The following MEX3D variants were observed in gnomAD, a reference collection of about 807,000 sequenced individuals.
The protein encoded by MEX3D is RNA-binding protein MEX3D.
MEX3D carries 4 observed loss-of-function variants against 6.3 expected under a neutral mutation model. The observed-to-expected ratio is 0.64, with a 90% CI of 0.31 to 1.46. The LOEUF is 1.46. MEX3D is among the 40% of genes most tolerant of loss of function. The probability of loss-of-function intolerance (pLI) is 0.07; values close to 1 mark genes in which losing one functional copy is unlikely to be tolerated. For synonymous variants in MEX3D, 626 were observed against 494.1 expected (o/e 1.27, Z -3.54); for missense variants, 1,038 against 994.4 (o/e 1.04, Z -0.59).
chr19:1,555,557 C>T lies in MEX3D; in HGVS notation c.*6G>A, dbSNP rs772656248. The T allele has an allele frequency of 2.7e-5, 42 of 1,565,916 alleles. No individual in the cohort carries two copies. The highest frequency in any genetic ancestry group is 1.8e-4 in the South Asian group (15 of 85,160). On this transcript the variant is annotated 3_prime_UTR_variant, in exon 2 of 2. Transcript: ENST00000402693. ...AGATGGCCCCGGCCACGTGGTGGTCCGCGCTCTAGGAAAAGATATGAATGG... is the reference window on the plus strand; with the variant it reads ...AGATGGCCCCGGCCACGTGGTGGTCTGCGCTCTAGGAAAAGATATGAATGG...
In MEX3D at chr19:1,567,789, C is replaced by G; in HGVS notation, c.270G>C (p.Ala90=). 2.1e-6 allele frequency: 2 copies of G among 962,646 alleles called. No individual in the cohort carries two copies. Among genetic ancestry groups the G allele is most frequent in the Non-Finnish European group, 1.2e-6 (1 of 809,916 alleles). 59.6% of individuals were successfully genotyped at this position (962,646 alleles called of 1,614,324 possible). A position where few individuals can be genotyped will look rare whatever the true frequency, so the allele number is the denominator to read the frequency against. ...EGAAGDGAAA[A]GGADGGAAPE... is the part of the protein sequence containing the mutation. ...GAGCCGCCCCGCCGTCCGCGCCCCC[C>G]GCCGCCGCTGCGCCGTCCCCGGCCG... is the stretch of plus-strand genomic sequence containing the variant. The change falls in exon 1 of 2, where the codon GCG becomes GCC. Residue 90 remains alanine, a synonymous_variant. Transcript: ENST00000402693. The surrounding 1 kb of genome is among the most constrained non-coding windows in gnomAD (Gnocchi z 6.5).
At position 1,555,985 on chromosome 19, in the gene MEX3D, G is replaced by T. The variant is rs1041096650; in HGVS notation, c.1534C>A (p.Arg512Ser). ...ARRSSGAGTPRHSPTLPEPGG... is the reference protein window; with the variant it reads ...ARRSSGAGTPSHSPTLPEPGG... Reference sequence around the variant, plus strand: ...GGCTCGGGCAGCGTGGGCGAGTGGCGGGGGGTCCCGGCCCCACTGCTGCGC... The same window carrying T: ...GGCTCGGGCAGCGTGGGCGAGTGGCTGGGGGTCCCGGCCCCACTGCTGCGC... The change falls in exon 2 of 2, where the codon CGC becomes AGC. Residue 512 changes from arginine (R) to serine (S), a missense_variant. This residue lies in a region of MEX3D where 581 missense variants were observed against 516.2 expected (regional missense o/e 1.13). Coordinates refer to ENST00000402693, the MANE Select transcript of MEX3D (RefSeq NM_203304.4). 3.1e-5 allele frequency: 36 copies of T among 1,175,178 alleles called. No homozygotes were observed. The highest frequency in any genetic ancestry group is 1.3e-4 in the East Asian group (3 of 23,922). 72.8% of individuals were successfully genotyped at this position (1,175,178 alleles called of 1,614,324 possible). A position where few individuals can be genotyped will look rare whatever the true frequency, so the allele number is the denominator to read the frequency against.
Position 1,555,435 on chromosome 19 carries a change from A to ACCCCCCCCCCC in MEX3D, c.*127_*128insGGGGGGGGGGG. Reference sequence around the variant, plus strand: ...CATCTGTAAACACTGGCCGCCGCCCACCCCCCTGCCCCCTCGGCCTCCGCC... The same window carrying ACCCCCCCCCCC: ...CATCTGTAAACACTGGCCGCCGCCCACCCCCCCCCCCCCCCCCTGCCCCCTCGGCCTCCGCC... On this transcript the variant is annotated 3_prime_UTR_variant, in exon 2 of 2. Coordinates refer to ENST00000402693, the MANE Select transcript of MEX3D (RefSeq NM_203304.4). 2.1e-6 allele frequency: 2 copies of ACCCCCCCCCCC among 973,232 alleles called. No individual in the cohort carries two copies. The highest frequency in any genetic ancestry group is 2.9e-6 in the Non-Finnish European group (2 of 691,110). The allele number at this position is 973,232 out of a possible 1,614,324, so 60.3% of individuals were successfully genotyped here. A position where few individuals can be genotyped will look rare whatever the true frequency, so the allele number is the denominator to read the frequency against.
chr19:1,562,237 G>A lies in MEX3D; in HGVS notation c.595+5227C>T, dbSNP rs552494321. On this transcript the variant is annotated intron_variant, in intron 1 of 1. Coordinates refer to ENST00000402693, the MANE Select transcript of MEX3D (RefSeq NM_203304.4). ...GATCGCGCCACTGCACTCTAGCCTG[G>A]GCGACAGAGTGAGACTCCGTCTCAA... Among the ~76,000 whole-genome samples, 19 of 149,272 alleles carry A rather than the reference G, an allele frequency of 1.3e-4. No homozygotes were observed. In the South Asian group the frequency reaches 4.0e-3, roughly 32 times the overall value.
At position 1,555,970 on chromosome 19, in the gene MEX3D, G is replaced by A; in HGVS notation, c.1549C>T (p.Leu517=). 1 of 1,172,266 alleles carries A rather than the reference G, an allele frequency of 8.5e-7. No homozygotes were observed. Among genetic ancestry groups the A allele is most frequent in the Non-Finnish European group, 1.1e-6 (1 of 949,464 alleles). 72.6% of individuals were successfully genotyped at this position (1,172,266 alleles called of 1,614,324 possible). The change falls in exon 2 of 2, where the codon CTG becomes TTG. Residue 517 remains leucine (L), a synonymous_variant. Coordinates refer to ENST00000402693, the MANE Select transcript of MEX3D (RefSeq NM_203304.4). The stretch of plus-strand genomic sequence containing the variant: ...AGGCGGAGGCCGCCGGGCTCGGGCA[G>A]CGTGGGCGAGTGGCGGGGGGTCCCG... ...GAGTPRHSPT[L]PEPGGLRLEL...
intron 1 of MEX3D, among the ~76,000 whole-genome samples, chr19:1,562,346 G>GGCTC (rs1914740845): frequency 6.7e-6 from 1 of 150,034 alleles, no homozygotes; most frequent in African/African-American, 2.5e-5. Flanking sequence ...CCAACATGGT[G>GGCTC]AAACCCCATC....
intron 1 of MEX3D, among the ~76,000 whole-genome samples, chr19:1,564,079 A>G (rs1914782649): frequency 6.6e-6 from 1 of 150,912 alleles, no homozygotes; most frequent in Admixed American, 6.6e-5. Flanking sequence ...GAGTGCTGCT[A>G]TCCCCTCAGT....
At chr19:1,558,734 G>C (rs555504666) in intron 1 of MEX3D, among the ~76,000 whole-genome samples, 1 of 152,324 alleles carries the variant, frequency 6.6e-6, no homozygotes, top group Admixed American at 6.5e-5. Context: ...AAGGGGAGCC[G>C]AGGTCTCGGC....
At chr19:1,566,802 G>A (rs1255497698) in intron 1 of MEX3D, among the ~76,000 whole-genome samples, 1 of 152,086 alleles carries the variant, frequency 6.6e-6, no homozygotes, top group African/African-American at 2.4e-5. Context: ...CTCCGACGAT[G>A]CCACCGCTGG....
chr19:1,562,089 G>A (rs1277671270), intron 1 of MEX3D, among the ~76,000 whole-genome samples: 3 of 151,372 alleles, frequency 2.0e-5, no homozygotes, highest in African/African-American at 2.4e-5. Flanking sequence ...GTGAAACCCC[G>A]TCTCTACTAA....
chr19:1,563,012 C>G (rs1252947358), intron 1 of MEX3D, among the ~76,000 whole-genome samples: 3 of 152,136 alleles, frequency 2.0e-5, no homozygotes, highest in African/African-American at 7.2e-5. Flanking sequence ...GAGCAAGACC[C>G]TGTCTCAAAA....
rs755436290 is a variant in MEX3D, at chr19:1,556,939, G to A, written c.596-16C>T. The stretch of plus-strand genomic sequence containing the variant: ...ATCTTGCAGCCTGTCCGGGAGGGAG[G>A]GGAAGGACAAGGTGACCCAGAGCCC... On this transcript the variant is annotated splice_polypyrimidine_tract_variant and intron_variant, in intron 1 of 1. Transcript: ENST00000402693. The surrounding 1 kb of genome is among the most constrained non-coding windows in gnomAD (Gnocchi z 7.5). The A allele has an allele frequency of 1.9e-6, 3 of 1,582,662 alleles. No homozygotes were observed. Among genetic ancestry groups the A allele is most frequent in the Admixed American group, 3.5e-5 (2 of 57,432 alleles).
At chr19:1,566,463 G>A (rs1255577950) in intron 1 of MEX3D, among the ~76,000 whole-genome samples, 1 of 152,158 alleles carries the variant, frequency 6.6e-6, no homozygotes, top group African/African-American at 2.4e-5. Flanking sequence ...AGGGCCCCGG[G>A]GAGGCAGGGA....
At position 1,568,146 on chromosome 19, in the gene MEX3D, C is replaced by T. The variant is rs1421889531; in HGVS notation, c.-88G>A. On this transcript the variant is annotated 5_prime_UTR_variant, in exon 1 of 2. Coordinates refer to ENST00000402693, the MANE Select transcript of MEX3D (RefSeq NM_203304.4). ...CCCTCCGCCTCTGCGAGCTGGGCCG[C>T]CGGCCGCCTGCATCCAGCGGCGGGG... is the stretch of plus-strand genomic sequence containing the variant. The T allele has an allele frequency of 1.0e-6, 1 of 974,764 alleles. No homozygotes were observed. The highest frequency in any genetic ancestry group is 1.2e-6 in the Non-Finnish European group (1 of 824,450). 60.4% of individuals were successfully genotyped at this position (974,764 alleles called of 1,614,324 possible). A position where few individuals can be genotyped will look rare whatever the true frequency, so the allele number is the denominator to read the frequency against.
rs1914585565 is a variant in MEX3D, at chr19:1,556,862, G to A, written c.657C>T (p.Gly219=). 2.5e-6 allele frequency: 4 copies of A among 1,612,424 alleles called. No individual in the cohort carries two copies. Among genetic ancestry groups the A allele is most frequent in the Non-Finnish European group, 2.5e-6 (3 of 1,179,804 alleles). ...TNTYIKTPVR[G]EEPVFIVTGR... ...CGGTCACGATGAAGACCGGCTCCTCGCCCCGCACTGGGGTCTTGATGTAGG... is the reference window on the plus strand; with the variant it reads ...CGGTCACGATGAAGACCGGCTCCTCACCCCGCACTGGGGTCTTGATGTAGG... The change falls in exon 2 of 2, where the codon GGC becomes GGT. Residue 219 remains glycine (G), a synonymous_variant. Transcript: ENST00000402693. The surrounding 1 kb of genome is among the most constrained non-coding windows in gnomAD (Gnocchi z 7.5).
chr19:1,564,087 A>C (rs1016298094), intron 1 of MEX3D, among the ~76,000 whole-genome samples: 1 of 151,154 alleles, frequency 6.6e-6, no homozygotes, highest in African/African-American at 2.4e-5. Flanking sequence ...CTATCCCCTC[A>C]GTTTTTACCT....
Position 1,556,298 on chromosome 19 carries a change from C to T in MEX3D, c.1221G>A (p.Ala407=). ...GCACGGAGGGGCCGCCGCGGCTGCC[C>T]GCGTAGAAGGCCTCGGGGGCGCTGG... ...GAPSAPEAFY[A]GSRGGPSVPD... The change falls in exon 2 of 2, where the codon GCG becomes GCA. Residue 407 remains alanine, a synonymous_variant. Transcript: ENST00000402693. This position sits in a 1 kb window ranked among gnomAD's most constrained non-coding sequence, Gnocchi z 7.5. 5 of 1,283,918 alleles carry T rather than the reference C, an allele frequency of 3.9e-6. No individual in the cohort carries two copies. Among genetic ancestry groups the T allele is most frequent in the Admixed American group, 4.4e-5 (1 of 22,632 alleles). The allele number at this position is 1,283,918 out of a possible 1,614,324, so 79.5% of individuals were successfully genotyped here.
At chr19:1,557,564 TA>T (rs541363387) in intron 1 of MEX3D, among the ~76,000 whole-genome samples, 3,913 of 110,588 alleles carry the variant, frequency 0.035, 38 homozygotes, top group Middle Eastern at 0.058. Context: ...AGACTCCAAC[TA>T]AAAAAAAAAA....
chr19:1,556,920 C>T lies in MEX3D; in HGVS notation c.599G>A (p.Cys200Tyr). 6.2e-7 allele frequency: 1 copy of T among 1,600,690 alleles called. No individual in the cohort carries two copies. The highest frequency in any genetic ancestry group is 1.1e-5 in the South Asian group (1 of 90,422). The change falls in exon 2 of 2, where the codon TGC (cysteine) becomes TAC (tyrosine). Residue 200 changes from cysteine (C) to tyrosine (Y), a missense_variant. Coordinates refer to ENST00000402693, the MANE Select transcript of MEX3D (RefSeq NM_203304.4). The surrounding 1 kb of genome is among the most constrained non-coding windows in gnomAD (Gnocchi z 7.5). Reference sequence around the variant, plus strand: ...CTTGGCCCGCAGGGCCTTGATCTTGCAGCCTGTCCGGGAGGGAGGGGAAGG... The same window carrying T: ...CTTGGCCCGCAGGGCCTTGATCTTGTAGCCTGTCCGGGAGGGAGGGGAAGG... ...HVAEIVGRQG[C>Y]KIKALRAKTN...
Sources: gnomAD v4.1 joint callset for allele counts (sites outside exome capture counted in the v4.1 genomes callset) on GRCh38, gnomAD v4.1.1 for gene constraint, gnomAD v4.1.1 regional missense constraint, Gnocchi (gnomAD v3.1) non-coding constraint, MANE v1.5 for transcripts, NCBI Gene and HGNC (gene_info 2026-07-23, HGNC 2026-07-21) for gene names.